The following ZNF423 variants were observed in gnomAD, a reference collection of about 807,000 sequenced individuals.
The protein encoded by ZNF423 is Ebf-associated zinc finger protein.
ZNF423 carries 12 observed loss-of-function variants against 95.8 expected under a neutral mutation model. The observed-to-expected ratio is 0.13, with a 90% CI of 0.08 to 0.20. The LOEUF (loss-of-function observed/expected upper bound fraction) is 0.20. Ranked by LOEUF, ZNF423 falls within the 10% of genes least tolerant of loss-of-function variation. The pLI is 1.00. For missense variants in ZNF423, 1,316 were observed against 1,737.1 expected, an observed-to-expected ratio of 0.76 and a Z score of 4.31; for synonymous variants, 749 against 711.9, an observed-to-expected ratio of 1.05 and a Z score of -0.83.
intron 2 of ZNF423, among the ~76,000 whole-genome samples, chr16:49,761,052 G>GCGCACA (rs2033822879): frequency 6.6e-6 from 1 of 150,842 alleles, no homozygotes; most frequent in African/African-American, 2.4e-5. Context: ...ACACATACAT[G>GCGCACA]CACACACACA....
At chr16:49,620,681 T>C (rs1972044959) in intron 5 of ZNF423, among the ~76,000 whole-genome samples, 1 of 152,122 alleles carries the variant, frequency 6.6e-6, no homozygotes, top group African/African-American at 2.4e-5. Context: ...CGTGAGGCCC[T>C]GCGTGAGGAC....
intron 5 of ZNF423, among the ~76,000 whole-genome samples, chr16:49,526,268 T>A (rs1968608288): frequency 6.6e-6 from 1 of 152,210 alleles, no homozygotes; most frequent in South Asian, 2.1e-4. Flanking sequence ...CCAAACGCTC[T>A]TTTTATTTGC....
intron 3 of ZNF423, among the ~76,000 whole-genome samples, chr16:49,710,008 T>C (rs900539552): frequency 2.6e-5 from 4 of 152,178 alleles, no homozygotes; most frequent in Non-Finnish European, 5.9e-5. Flanking sequence ...GGATGCTGAA[T>C]GTCTTGCCAA....
chr16:49,575,724 C>G (rs964938302), intron 5 of ZNF423, among the ~76,000 whole-genome samples: 5 of 152,228 alleles, frequency 3.3e-5, no homozygotes, highest in African/African-American at 1.2e-4. Context: ...CAGCCCTTCT[C>G]AAACTTGACT....
At chr16:49,504,148 A>G (rs1013949903) in intron 7 of ZNF423, among the ~76,000 whole-genome samples, 1 of 152,238 alleles carries the variant, frequency 6.6e-6, no homozygotes, top group Non-Finnish European at 1.5e-5. Context: ...CAGATGGGAA[A>G]GATGAAAAAG....
intron 2 of ZNF423, among the ~76,000 whole-genome samples, chr16:49,751,012 C>T (rs1354492091): frequency 6.6e-6 from 1 of 152,144 alleles, no homozygotes; most frequent in Non-Finnish European, 1.5e-5. Flanking sequence ...GACGAAAGGC[C>T]CGAGGAAGGC....
intron 5 of ZNF423, among the ~76,000 whole-genome samples, chr16:49,614,470 A>G (rs1971813868): frequency 6.6e-6 from 1 of 152,214 alleles, no homozygotes; most frequent in East Asian, 1.9e-4. Flanking sequence ...AATAACGAAA[A>G]CTTAAATATA....
At chr16:49,824,474 G>A (rs1484318647) in intron 1 of ZNF423, among the ~76,000 whole-genome samples, 2 of 152,138 alleles carry the variant, frequency 1.3e-5, no homozygotes, top group Non-Finnish European at 2.9e-5. Context: ...GGGTGGGGGA[G>A]GTGTGCTGTT....
chr16:49,530,092 C>T (rs753065951), intron 5 of ZNF423, among the ~76,000 whole-genome samples: 15 of 152,214 alleles, frequency 9.9e-5, no homozygotes, highest in Non-Finnish European at 1.8e-4. Flanking sequence ...CCACCACTCA[C>T]TCGCTGTGTG....
intron 1 of ZNF423, among the ~76,000 whole-genome samples, chr16:49,811,756 A>AGAGG (rs2034756456): frequency 1.2e-5 from 1 of 84,936 alleles, no homozygotes; most frequent in African/African-American, 4.4e-5. Context: ...TCCTACCCCC[A>AGAGG]CCCCCGCCCC....
At chr16:49,805,973 G>C (rs1175257087) in intron 1 of ZNF423, among the ~76,000 whole-genome samples, 2 of 152,232 alleles carry the variant, frequency 1.3e-5, no homozygotes, top group East Asian at 1.9e-4. Flanking sequence ...ACCTTAACAG[G>C]GAGGGCCCCC....
chr16:49,708,275 C>T (rs997169729), intron 3 of ZNF423: 1 of 152,080 alleles, frequency 6.6e-6, no homozygotes, highest in African/African-American at 2.4e-5. Context: ...GTGGATACGA[C>T]ACCCACCACT....
intron 7 of ZNF423, among the ~76,000 whole-genome samples, chr16:49,510,136 T>C (rs1010731944): frequency 5.9e-5 from 9 of 152,252 alleles, no homozygotes; most frequent in Non-Finnish European, 1.3e-4. Context: ...ACATCAACTC[T>C]GCCAATTCCA....
intron 2 of ZNF423, among the ~76,000 whole-genome samples, chr16:49,770,630 C>CCTT (rs2034015837): frequency 6.6e-6 from 1 of 151,730 alleles, no homozygotes; most frequent in African/African-American, 2.4e-5. Context: ...AGCGGCTGGG[C>CCTT]CTTGGAAGAC....
At chr16:49,729,242 A>C (rs934674666) in intron 3 of ZNF423, among the ~76,000 whole-genome samples, 1 of 152,360 alleles carries the variant, frequency 6.6e-6, no homozygotes, top group East Asian at 1.9e-4. Context: ...TAGATCAATT[A>C]GTTGATTATA....
chr16:49,855,310 T>C lies in ZNF423; in HGVS notation c.40+425A>G, dbSNP rs2035349851. 6.6e-6 allele frequency among the ~76,000 whole-genome samples: 1 copy of C among 151,028 alleles called. No individual in the cohort carries two copies. The highest frequency in any genetic ancestry group is 6.6e-5 in the Admixed American group (1 of 15,210). On this transcript the variant is annotated intron_variant, in intron 1 of 7. Transcript: ENST00000563137. The surrounding 1 kb of genome is among the most constrained non-coding windows in gnomAD (Gnocchi z 4.7). ...GCCGGGCGCCCGTCCTCGCCGCCTC[T>C]TCCTTCCTCCTGTCGCCCGCCCGCC...
At chr16:49,793,377 G>A (rs564902178) in intron 1 of ZNF423, among the ~76,000 whole-genome samples, 2 of 152,334 alleles carry the variant, frequency 1.3e-5, no homozygotes, top group Non-Finnish European at 2.9e-5. Flanking sequence ...ACTGCACACT[G>A]AAGACTCGCA....
chr16:49,599,021 G>A lies in ZNF423; in HGVS notation c.3601+27149C>T, dbSNP rs183334875. ...GAAAGCCCCAGTTTCTGAACTGTGA[G>A]TTGGAGGCCACACTTCACACCAGGC... On this transcript the variant is annotated intron_variant, in intron 5 of 7. Transcript: ENST00000563137. 7.5e-4 allele frequency among the ~76,000 whole-genome samples: 114 copies of A among 152,326 alleles called. No homozygotes were observed. In the East Asian group the frequency reaches 0.012, roughly 16 times the overall value.
At chr16:49,521,393 TG>T (rs1191724357) in intron 7 of ZNF423, among the ~76,000 whole-genome samples, 1 of 152,216 alleles carries the variant, frequency 6.6e-6, no homozygotes, top group Non-Finnish European at 1.5e-5. Flanking sequence ...TTTTGGTAGC[TG>T]GGCCACTCAG....
Sources: allele counts gnomAD v4.1 joint callset (sites outside exome capture counted in the v4.1 genomes callset), GRCh38; gene constraint gnomAD v4.1.1; non-coding constraint Gnocchi (gnomAD v3.1); transcripts MANE v1.5; gene names NCBI Gene and HGNC (gene_info 2026-07-23, HGNC 2026-07-21).